Variants in C13orf46 observed in about 807,000 individuals in gnomAD.
C13orf46 encodes the protein chromosome 13 open reading frame 46, also known as uncharacterized protein C13orf46.
chr13:113,963,944 G>C (rs1482606371), intron 6 of C13orf46, among the ~76,000 whole-genome samples: 2 of 152,154 alleles, frequency 1.3e-5, no homozygotes, highest in Non-Finnish European at 2.9e-5. Context: ...TCCGCCTCCT[G>C]GGTTCAAGCG....
At chr13:113,960,541 A>G (rs1051900916) in intron 6 of C13orf46, among the ~76,000 whole-genome samples, 2 of 152,140 alleles carry the variant, frequency 1.3e-5, no homozygotes, top group South Asian at 4.1e-4. Flanking sequence ...TCTCCTTCAA[A>G]CTTTTTGTCA....
chr13:113,972,877 A>T (rs1594258146), intron 1 of C13orf46, among the ~76,000 whole-genome samples: 2 of 151,046 alleles, frequency 1.3e-5, no homozygotes, highest in South Asian at 4.2e-4. Flanking sequence ...CCCTCCTCTC[A>T]CCCCTCCCGC....
chr13:113,930,286 G>A, the C13orf46 span, among the ~76,000 whole-genome samples: 2 of 149,054 alleles, frequency 1.3e-5, no homozygotes, highest in South Asian at 2.2e-4. Context: ...CACAAGAAAC[G>A]CAAAGGCACA....
chr13:113,966,377 ATGATGATGG>A (rs2052648087), intron 5 of C13orf46, among the ~76,000 whole-genome samples: 1 of 149,864 alleles, frequency 6.7e-6, no homozygotes, highest in Non-Finnish European at 1.5e-5. Context: ...GATGGTGATG[ATGATGATGG>A]TGATGGTATT....
chr13:113,968,858 G>C (rs2052676065), intron 2 of C13orf46, 98 bp from the exon 3 acceptor site: 1 of 152,332 alleles, frequency 6.6e-6, no homozygotes, highest in East Asian at 1.9e-4. Context: ...CTTGAGGCTG[G>C]TGCCCCTGGG....
the C13orf46 span, among the ~76,000 whole-genome samples, chr13:113,938,270 A>C: frequency 6.6e-6 from 1 of 152,218 alleles, no homozygotes; most frequent in Non-Finnish European, 1.5e-5. Flanking sequence ...CTGCTTTAAC[A>C]GATTACCACA....
At chr13:113,927,925 G>A in the C13orf46 span, 1 of 284,666 alleles carries the variant, frequency 3.5e-6, no homozygotes, top group Non-Finnish European at 6.5e-6. Context: ...CGTGAGGGGT[G>A]CAGTCTGCCT....
At chr13:113,928,920 G>C in the C13orf46 span, 2 of 152,554 alleles carry the variant, frequency 1.3e-5, no homozygotes, top group Admixed American at 6.5e-5. Context: ...AGCTTGGCAG[G>C]GGAGAACTTA....
chr13:113,951,332 A>G (rs1258956732), downstream of C13orf46, among the ~76,000 whole-genome samples: 4 of 152,166 alleles, frequency 2.6e-5, no homozygotes, highest in African/African-American at 9.7e-5. Flanking sequence ...AAAGAAGGGC[A>G]AGGTCGTCCC....
the C13orf46 span, among the ~76,000 whole-genome samples, chr13:113,934,688 C>T: frequency 2.2e-4 from 33 of 152,362 alleles, no homozygotes; most frequent in South Asian, 4.1e-4. Flanking sequence ...ATCCTCACCA[C>T]GCCATCTGGG....
At chr13:113,932,310 C>T in the C13orf46 span, among the ~76,000 whole-genome samples, 7 of 152,224 alleles carry the variant, frequency 4.6e-5, no homozygotes, top group African/African-American at 1.4e-4. Context: ...ATGGCCGAAC[C>T]GTTCCCTGTG....
rs2052535139 is a variant in C13orf46 at position 113,956,423 on chromosome 13, G to A, written c.*350C>T. ...GAGGAGGAGCATCTGGTGGAGAGGA[G>A]GAGCATCTTCCCGTGCTTGTTTATT... On this transcript the variant is annotated 3_prime_UTR_variant, in exon 7 of 7. Coordinates refer to ENST00000636427, the MANE Select transcript of C13orf46 (RefSeq NM_001365455.2). 6.7e-6 allele frequency: 1 copy of A among 149,678 alleles called. No homozygotes were observed. The highest frequency in any genetic ancestry group is 2.6e-5 in the African/African-American group (1 of 38,944). The allele number at this position is 149,678 out of a possible 1,614,324, so 9.3% of individuals were successfully genotyped here.
At chr13:113,973,441 CCT>C (rs1175331081) in intron 1 of C13orf46, among the ~76,000 whole-genome samples, 1 of 152,160 alleles carries the variant, frequency 6.6e-6, no homozygotes, top group African/African-American at 2.4e-5. Context: ...CCTCTAGTCC[CCT>C]CACGTGTAAA....
intron 1 of C13orf46, among the ~76,000 whole-genome samples, chr13:113,973,267 C>A (rs113235721): frequency 6.6e-6 from 1 of 152,180 alleles, no homozygotes; most frequent in African/African-American, 2.4e-5. Flanking sequence ...TGGAGTTTCA[C>A]GCTGGGAATG....
chr13:113,945,622 AAGAAAG>A, the C13orf46 span, among the ~76,000 whole-genome samples: 3 of 122,218 alleles, frequency 2.5e-5, no homozygotes, highest in East Asian at 4.2e-4. Context: ...GAAAGAAAGA[AAGAAAG>A]AAAGAAAGAA....
intron 5 of C13orf46, among the ~76,000 whole-genome samples, chr13:113,965,678 TG>T (rs2052629236): frequency 8.8e-6 from 1 of 113,982 alleles, no homozygotes; most frequent in Non-Finnish European, 2.2e-5. Context: ...ATAATGGTGA[TG>T]GTGATGATGA....
chr13:113,963,467 TGTCCTCAGCCTCAGCCC>T (rs1227213044), intron 6 of C13orf46, among the ~76,000 whole-genome samples: 10 of 97,048 alleles, frequency 1.0e-4, no homozygotes, highest in Non-Finnish European at 1.9e-4. Context: ...GCTTCACCCC[TGTCCTCAGCCTCAGCCC>T]GTCCTCAGCC....
At chr13:113,930,803 T>C in the C13orf46 span, among the ~76,000 whole-genome samples, 6 of 152,200 alleles carry the variant, frequency 3.9e-5, no homozygotes, top group Non-Finnish European at 8.8e-5. Context: ...CCGTGGACTT[T>C]AGCAGCCCCG....
chr13:113,960,309 T>C (rs1366043091), intron 6 of C13orf46, among the ~76,000 whole-genome samples: 1 of 152,208 alleles, frequency 6.6e-6, no homozygotes, highest in Admixed American at 6.5e-5. Context: ...AAACTAAAGA[T>C]TGGTCCCCTA....
Sources: allele counts gnomAD v4.1 joint callset (sites outside exome capture counted in the v4.1 genomes callset), GRCh38; gene constraint gnomAD v4.1.1; transcripts MANE v1.5; gene names NCBI Gene and HGNC (gene_info 2026-07-23, HGNC 2026-07-21).